FAM131B: variants seen among roughly 807,000 people sequenced by gnomAD.
The protein encoded by FAM131B is family with sequence similarity 131 member B.
FAM131B carries 19 observed loss-of-function variants against 42.0 expected under a neutral mutation model. The observed-to-expected ratio is 0.45, with a 90% confidence interval of 0.32 to 0.66. The LOEUF (loss-of-function observed/expected upper bound fraction) is 0.66. Among genes scored for constraint, FAM131B ranks in the 30% least tolerant of loss-of-function variants. FAM131B has a pLI of 0.05. For missense variants in FAM131B, 370 were observed against 468.4 expected (o/e 0.79, Z 1.94); for synonymous variants, 183 against 177.6 (o/e 1.03, Z -0.24).
Position 143,362,057 on chromosome 7 carries a change from G to A in FAM131B, c.28+519C>T. 2 of 985,342 alleles carry A rather than the reference G, an allele frequency of 2.0e-6. No individual in the cohort carries two copies. The highest frequency in any genetic ancestry group is 2.4e-6 in the Non-Finnish European group (2 of 829,800). 61.0% of individuals were successfully genotyped at this position (985,342 alleles called of 1,614,324 possible). ...GGAGGAGGCAGGAACGACAGTAAAAGGCAACGGAGAGGGAGAGAGAGATGG... is the reference window on the plus strand; with the variant it reads ...GGAGGAGGCAGGAACGACAGTAAAAAGCAACGGAGAGGGAGAGAGAGATGG... On this transcript the variant is annotated intron_variant, in intron 1 of 6. Coordinates refer to ENST00000443739, the MANE Select transcript of FAM131B (RefSeq NM_001031690.3). This position sits in a 1 kb window ranked among gnomAD's most constrained non-coding sequence, Gnocchi z 7.7.
At position 143,353,897 on chromosome 7, in the gene FAM131B, G is replaced by C. The variant is rs1222418649; in HGVS notation, c.*2653C>G. Reference sequence around the variant, plus strand: ...CCCTCCAAAAAAAGAAAATCATTTAGCAAGAGCAGTTTCATTCACAAGAAT... The same window carrying C: ...CCCTCCAAAAAAAGAAAATCATTTACCAAGAGCAGTTTCATTCACAAGAAT... On this transcript the variant is annotated 3_prime_UTR_variant, in exon 7 of 7. Transcript: ENST00000443739. The C allele has an allele frequency of 6.8e-5, 10 of 147,746 alleles. No individual in the cohort carries two copies. Among genetic ancestry groups the C allele is most frequent in the African/African-American group, 2.5e-4 (10 of 39,962 alleles). The allele number at this position is 147,746 out of a possible 1,614,324, so 9.2% of individuals were successfully genotyped here.
At chr7:143,372,569 C>A in the FAM131B span, among the ~76,000 whole-genome samples, 3 of 152,200 alleles carry the variant, frequency 2.0e-5, no homozygotes, top group Admixed American at 6.5e-5. Flanking sequence ...CCTTTGAGCA[C>A]CTGCAATGGG....
upstream of FAM131B, chr7:143,362,863 C>T (rs1804070475): frequency 6.6e-6 from 1 of 151,028 alleles, no homozygotes; most frequent in Admixed American, 6.6e-5. This position sits in a 1 kb window ranked among gnomAD's most constrained non-coding sequence, Gnocchi z 7.7. Context: ...TGGCTGCGCC[C>T]CGCGCCTCCC....
chr7:143,376,722 G>A, the FAM131B span, among the ~76,000 whole-genome samples: 2 of 152,208 alleles, frequency 1.3e-5, no homozygotes, highest in African/African-American at 4.8e-5. Flanking sequence ...CTGGCATGCA[G>A]GCCAGTGGGA....
chr7:143,370,092 T>C, the FAM131B span, among the ~76,000 whole-genome samples: 9 of 152,298 alleles, frequency 5.9e-5, no homozygotes, highest in African/African-American at 1.9e-4. Flanking sequence ...AGGTGGCTAG[T>C]GGTAGTCAAG....
chr7:143,381,978 CTGGGAG>C, the FAM131B span: 1 of 638,450 alleles, frequency 1.6e-6, no homozygotes, highest in Non-Finnish European at 2.6e-6. Context: ...AGTCCCCCGC[CTGGGAG>C]TGGGAGTCGG....
At chr7:143,381,806 C>A in the FAM131B span, 2 of 1,510,174 alleles carry the variant, frequency 1.3e-6, no homozygotes, top group Non-Finnish European at 1.8e-6. Flanking sequence ...GGGGAATGTA[C>A]CCCGGCAGGA....
chr7:143,381,916 T>TA, the FAM131B span: 2 of 889,124 alleles, frequency 2.2e-6, no homozygotes, highest in African/African-American at 3.4e-5. Context: ...CAGATGTTCT[T>TA]ACCTCATCGT....
At chr7:143,381,658 G>A in the FAM131B span, 2 of 1,612,092 alleles carry the variant, frequency 1.2e-6, no homozygotes, top group Admixed American at 1.7e-5. Context: ...TCGGCCCTGT[G>A]GTGGCCCCAA....
At chr7:143,365,642 C>T (rs987858863), upstream of FAM131B, among the ~76,000 whole-genome samples, 10 of 152,138 alleles carry the variant, frequency 6.6e-5, no homozygotes, top group Admixed American at 2.0e-4. Context: ...CTCACGCTTA[C>T]CCAGCCGGAG....
At position 143,353,781 on chromosome 7, in the gene FAM131B, G is replaced by A. The variant is rs1045961153; in HGVS notation, c.*2769C>T. On this transcript the variant is annotated 3_prime_UTR_variant, in exon 7 of 7. Coordinates refer to ENST00000443739, the MANE Select transcript of FAM131B (RefSeq NM_001031690.3). Reference sequence around the variant, plus strand: ...CTTCAACACAAGGACAAGAAGGAAGGTGTGTGGTGGGGGAGGGGACAATGG... The same window carrying A: ...CTTCAACACAAGGACAAGAAGGAAGATGTGTGGTGGGGGAGGGGACAATGG... The A allele has an allele frequency of 6.6e-6, 1 of 152,492 alleles. No homozygotes were observed. The highest frequency in any genetic ancestry group is 1.5e-5 in the Non-Finnish European group (1 of 68,036). The allele number at this position is 152,492 out of a possible 1,614,324, so 9.4% of individuals were successfully genotyped here.
At chr7:143,372,618 A>C in the FAM131B span, among the ~76,000 whole-genome samples, 1 of 152,234 alleles carries the variant, frequency 6.6e-6, no homozygotes, top group African/African-American at 2.4e-5. Flanking sequence ...TGTAAAATAC[A>C]CACCAAATTC....
chr7:143,368,451 C>T, the FAM131B span, among the ~76,000 whole-genome samples: 1 of 152,206 alleles, frequency 6.6e-6, no homozygotes, highest in East Asian at 1.9e-4. Context: ...AAGGCTTGTC[C>T]TGATTGTCTC....
rs2116442614 is a variant in FAM131B, at chr7:143,357,386, G to A, written c.504C>T (p.Leu168=). Reference sequence around the variant, plus strand: ...CACCATCCATGGAAGACCAGGCCATGAGTGTGGCCTCAGAGATAGCAAACT... The same window carrying A: ...CACCATCCATGGAAGACCAGGCCATAAGTGTGGCCTCAGAGATAGCAAACT... The part of the protein sequence containing the change: ...MEQFAISEAT[L]MAWSSMDGED... The change falls in exon 6 of 7, where the codon CTC becomes CTT. Residue 168 remains leucine, a synonymous_variant. Transcript: ENST00000443739. 6.2e-7 allele frequency: 1 copy of A among 1,613,060 alleles called. No homozygotes were observed. The highest frequency in any genetic ancestry group is 8.5e-7 in the Non-Finnish European group (1 of 1,179,424).
the FAM131B span, among the ~76,000 whole-genome samples, chr7:143,372,148 G>A: frequency 6.6e-6 from 1 of 152,184 alleles, no homozygotes; most frequent in African/African-American, 2.4e-5. Context: ...AAGGTCAGAT[G>A]GCATCTGCAG....
chr7:143,377,855 A>C, the FAM131B span, among the ~76,000 whole-genome samples: 2 of 152,150 alleles, frequency 1.3e-5, no homozygotes, highest in Admixed American at 1.3e-4. Context: ...CTGAGACTAC[A>C]GGCACGTGCC....
Position 143,356,784 on chromosome 7 carries a change from T to TC in FAM131B, c.848dup (p.Asp284ArgfsTer3). On this transcript the variant is annotated frameshift_variant, in exon 7 of 7. Coordinates refer to ENST00000443739, the MANE Select transcript of FAM131B (RefSeq NM_001031690.3). LOFTEE classifies it high-confidence loss of function. The surrounding 1 kb of genome is among the most constrained non-coding windows in gnomAD (Gnocchi z 4.4). Reference sequence around the variant, plus strand: ...CTACCCCCGGAGCCCAGTCAGTGTCTCCCCCCAGCAAAGGTGGAGGCTCCA... The same window carrying TC: ...CTACCCCCGGAGCCCAGTCAGTGTCTCCCCCCCAGCAAAGGTGGAGGCTCCA... The TC allele has an allele frequency of 6.2e-7, 1 of 1,613,786 alleles. No homozygotes were observed.
intron 5 of FAM131B, 51 bp from the exon 6 acceptor site, chr7:143,357,474 A>G: frequency 6.4e-7 from 1 of 1,553,420 alleles, no homozygotes; most frequent in Non-Finnish European, 8.8e-7. Context: ...ATCCTTAGAC[A>G]TGTGCGTGGG....
chr7:143,365,767 A>AT (rs1804166291), upstream of FAM131B, among the ~76,000 whole-genome samples: 1 of 152,030 alleles, frequency 6.6e-6, no homozygotes, highest in Non-Finnish European at 1.5e-5. Context: ...CCCTCGGCTA[A>AT]TTTTTTGTAT....
Sources: allele counts gnomAD v4.1 joint callset (sites outside exome capture counted in the v4.1 genomes callset), GRCh38; gene constraint gnomAD v4.1.1; non-coding constraint Gnocchi (gnomAD v3.1); transcripts MANE v1.5; gene names NCBI Gene and HGNC (gene_info 2026-07-23, HGNC 2026-07-21).